The following PDGFD variants were observed in gnomAD, a reference collection of about 807,000 sequenced individuals.
PDGFD encodes the protein platelet-derived growth factor D.
PDGFD carries 30 observed loss-of-function variants against 44.7 expected under a neutral mutation model. The ratio of observed to expected loss-of-function variants is 0.67; its 90% confidence interval spans 0.50 to 0.91. The LOEUF (loss-of-function observed/expected upper bound fraction) is 0.91, where lower values mean the gene tolerates loss of function less well. Ranked by LOEUF, PDGFD falls within the 40% of genes least tolerant of loss-of-function variation. The pLI, the probability that PDGFD is intolerant of heterozygous loss-of-function variation, is 0.00. For synonymous variants in PDGFD, 173 were observed against 168.4 expected (o/e 1.03, Z -0.21); for missense variants, 445 against 457.8 (o/e 0.97, Z 0.25).
At chr11:103,910,376 C>A (rs1269811462) in intron 6 of PDGFD, among the ~76,000 whole-genome samples, 4 of 152,230 alleles carry the variant, frequency 2.6e-5, no homozygotes, top group Non-Finnish European at 4.4e-5. Flanking sequence ...CGGGTGATTT[C>A]TCCATTCCCA....
At chr11:104,143,656 T>C (rs1028132021) in intron 1 of PDGFD, among the ~76,000 whole-genome samples, 1 of 152,184 alleles carries the variant, frequency 6.6e-6, no homozygotes, top group Admixed American at 6.5e-5. Flanking sequence ...TGAGAGTCTC[T>C]GGACCAAATG....
chr11:104,071,921 C>G (rs768178906), intron 1 of PDGFD, among the ~76,000 whole-genome samples: 1 of 151,690 alleles, frequency 6.6e-6, no homozygotes, highest in South Asian at 2.1e-4. Context: ...TCTAGACTTT[C>G]TATTCTATTC....
intron 1 of PDGFD, among the ~76,000 whole-genome samples, chr11:104,117,216 T>C (rs534392559): frequency 7.9e-5 from 12 of 152,112 alleles, no homozygotes; most frequent in East Asian, 7.7e-4. Context: ...AAAATCGACA[T>C]ACAAGGGACA....
rs1857992492 is a variant in PDGFD, at chr11:103,909,408, A to G, written c.*286T>C. 1 of 263,254 alleles carries G rather than the reference A, an allele frequency of 3.8e-6. No individual in the cohort carries two copies. The highest frequency in any genetic ancestry group is 2.2e-5 in the African/African-American group (1 of 45,612). The allele number at this position is 263,254 out of a possible 1,614,324, so 16.3% of individuals were successfully genotyped here. On this transcript the variant is annotated 3_prime_UTR_variant, in exon 7 of 7. Coordinates refer to ENST00000393158, the MANE Select transcript of PDGFD (RefSeq NM_025208.5). ...TTATATATACCAAAAAAAACATTTG[A>G]TCTATATACACATAGACATGAATAT...
intron 5 of PDGFD, among the ~76,000 whole-genome samples, chr11:103,937,117 T>C (rs1178095821): frequency 2.0e-5 from 3 of 152,174 alleles, no homozygotes; most frequent in Non-Finnish European, 2.9e-5. Context: ...TGAGCCACTG[T>C]GTCGAGTCTA....
At chr11:104,067,551 T>C (rs1433122628) in intron 1 of PDGFD, among the ~76,000 whole-genome samples, 1 of 152,152 alleles carries the variant, frequency 6.6e-6, no homozygotes, top group African/African-American at 2.4e-5. Context: ...TCAGCAAACA[T>C]ATCATAAAGA....
rs1260648480 is a variant in PDGFD, at chr11:104,119,686, TATAATATATA to T, written c.124+44108_124+44117del. 7.0e-4 allele frequency among the ~76,000 whole-genome samples: 68 copies of T among 96,530 alleles called. 4 individuals carry two copies. Among genetic ancestry groups the T allele is most frequent in the African/African-American group, 3.0e-3 (67 of 22,514 alleles). The allele number at this position is 96,530 out of a possible 152,430, so 63.3% of individuals were successfully genotyped here. ...TTATATATCGATATATATATCGATA[TATAATATATA>T]ATATCTATTAATATTATAATATAAT... On this transcript the variant is annotated intron_variant, in intron 1 of 6. Coordinates refer to ENST00000393158, the MANE Select transcript of PDGFD (RefSeq NM_025208.5).
At chr11:104,090,591 T>C (rs898910791) in intron 1 of PDGFD, among the ~76,000 whole-genome samples, 1 of 148,560 alleles carries the variant, frequency 6.7e-6, no homozygotes, top group African/African-American at 2.5e-5. Flanking sequence ...ATCACACCAC[T>C]GCATTCCAGC....
At chr11:103,975,262 T>C (rs1451946063) in intron 3 of PDGFD, among the ~76,000 whole-genome samples, 5 of 152,232 alleles carry the variant, frequency 3.3e-5, no homozygotes, top group Admixed American at 6.5e-5. Flanking sequence ...CTTTTTTTCA[T>C]ATGTTTGTTG....
intron 1 of PDGFD, among the ~76,000 whole-genome samples, chr11:104,059,186 T>A (rs1408553222): frequency 2.6e-5 from 4 of 152,038 alleles, no homozygotes; most frequent in Non-Finnish European, 5.9e-5. Context: ...CAAAAAAGAG[T>A]ATTTGGAGCT....
chr11:104,058,544 T>C (rs1295979397), intron 1 of PDGFD, among the ~76,000 whole-genome samples: 1 of 152,194 alleles, frequency 6.6e-6, no homozygotes, highest in Non-Finnish European at 1.5e-5. Context: ...TCTCATGTAT[T>C]GTTGATGGGA....
chr11:104,000,737 T>C (rs1273547574), intron 1 of PDGFD, among the ~76,000 whole-genome samples: 2 of 152,332 alleles, frequency 1.3e-5, no homozygotes, highest in South Asian at 2.1e-4. Context: ...CTTCAGTTCA[T>C]TTAGTATGGA....
At chr11:104,080,871 A>G (rs1861035991) in intron 1 of PDGFD, among the ~76,000 whole-genome samples, 1 of 152,168 alleles carries the variant, frequency 6.6e-6, no homozygotes, top group Non-Finnish European at 1.5e-5. Flanking sequence ...CACTCAAGCA[A>G]CCCTGAGGAG....
chr11:103,991,786 G>A (rs1330663797), intron 3 of PDGFD, among the ~76,000 whole-genome samples: 1 of 152,090 alleles, frequency 6.6e-6, no homozygotes, highest in East Asian at 1.9e-4. Context: ...AGGCAAAGTG[G>A]TTTATAAAAG....
At chr11:104,052,002 A>G (rs1216985961) in intron 1 of PDGFD, among the ~76,000 whole-genome samples, 1 of 152,178 alleles carries the variant, frequency 6.6e-6, no homozygotes, top group Non-Finnish European at 1.5e-5. Flanking sequence ...TATACACCTT[A>G]TGCAATTGCT....
At chr11:104,104,267 A>G (rs989959299) in intron 1 of PDGFD, among the ~76,000 whole-genome samples, 1 of 152,178 alleles carries the variant, frequency 6.6e-6, no homozygotes, top group East Asian at 1.9e-4. Flanking sequence ...ACAAAAAGTT[A>G]GCATCAGCTA....
chr11:103,947,528 G>A, intron 4 of PDGFD, 134 bp downstream of exon 4: 1 of 685,542 alleles, frequency 1.5e-6, no homozygotes, highest in South Asian at 1.6e-5. Context: ...TGAATGAAAT[G>A]GAGAAACACA....
At chr11:103,984,837 AATTT>A (rs1189526240) in intron 3 of PDGFD, among the ~76,000 whole-genome samples, 5 of 142,868 alleles carry the variant, frequency 3.5e-5, no homozygotes, top group East Asian at 2.0e-4. Flanking sequence ...ATAATATATT[AATTT>A]ATTTAATATA....
chr11:104,147,481 T>C lies in PDGFD; in HGVS notation c.124+16323A>G, dbSNP rs76235851. 3.8e-3 allele frequency among the ~76,000 whole-genome samples: 577 copies of C among 152,266 alleles called. 2 individuals are homozygous for C. Among genetic ancestry groups the C allele is most frequent in the African/African-American group, 0.013 (558 of 41,570 alleles). ...GGTCATGTCAACAATGATCCACCAA[T>C]AGCTTGGTAGAGATACTCATTTAAC... On this transcript the variant is annotated intron_variant, in intron 1 of 6. Transcript: ENST00000393158.
Sources: allele counts gnomAD v4.1 joint callset (sites outside exome capture counted in the v4.1 genomes callset), GRCh38; gene constraint gnomAD v4.1.1; transcripts MANE v1.5; gene names NCBI Gene and HGNC (gene_info 2026-07-23, HGNC 2026-07-21).